The following ARHGAP29 variants were observed in gnomAD, a reference collection of about 807,000 sequenced individuals.
ARHGAP29 encodes the protein Rho GTPase activating protein 29.
Under a neutral mutation model 122.6 loss-of-function variants are expected in ARHGAP29, and 43 were observed. The observed-to-expected ratio is 0.35, with a 90% CI of 0.27 to 0.45. The LOEUF is 0.45. ARHGAP29 is among the 20% of genes least tolerant of loss of function. ARHGAP29 has a pLI of 1.00. For missense variants in ARHGAP29, 1,303 were observed against 1,477.2 expected (o/e 0.88, Z 1.93); for synonymous variants, 506 against 497.1 (o/e 1.02, Z -0.24).
At chr1:94,211,984 C>G (rs1465607356) in intron 3 of ARHGAP29, among the ~76,000 whole-genome samples, 1 of 152,060 alleles carries the variant, frequency 6.6e-6, no homozygotes, top group Non-Finnish European at 1.5e-5. Flanking sequence ...TTAAATAACC[C>G]AGGTGTCAAA....
the ARHGAP29 span, among the ~76,000 whole-genome samples, chr1:94,286,200 G>C: frequency 2.0e-5 from 3 of 152,160 alleles, no homozygotes; most frequent in African/African-American, 7.2e-5. Flanking sequence ...GGCAGAGAAA[G>C]ATTTCTTCCT....
At chr1:94,269,620 AC>A (rs1654915080) in intron 1 of ARHGAP29, among the ~76,000 whole-genome samples, 1 of 152,192 alleles carries the variant, frequency 6.6e-6, no homozygotes, top group African/African-American at 2.4e-5. Context: ...AAGACAGTTT[AC>A]AGAATAAGAA....
Position 94,173,249 on chromosome 1 carries a change from T to C in ARHGAP29, c.*620A>G, listed in dbSNP as rs1648860166. 6.6e-6 allele frequency: 1 copy of C among 152,620 alleles called. No homozygotes were observed. Among genetic ancestry groups the C allele is most frequent in the Non-Finnish European group, 1.5e-5 (1 of 68,036 alleles). The allele number at this position is 152,620 out of a possible 1,614,324, so 9.5% of individuals were successfully genotyped here. On this transcript the variant is annotated 3_prime_UTR_variant, in exon 23 of 23. Transcript: ENST00000260526. Reference sequence around the variant, plus strand: ...ACAACTGACTATCACATGTAAAAACTGGCAATTAATTAAAATGCAATTAAA... The same window carrying C: ...ACAACTGACTATCACATGTAAAAACCGGCAATTAATTAAAATGCAATTAAA...
the ARHGAP29 span, among the ~76,000 whole-genome samples, chr1:94,289,344 C>T: frequency 6.6e-6 from 1 of 152,126 alleles, no homozygotes. Context: ...GATTTTGTAT[C>T]CTGAGACTTT....
chr1:94,292,301 A>C, the ARHGAP29 span, among the ~76,000 whole-genome samples: 1 of 152,182 alleles, frequency 6.6e-6, no homozygotes, highest in African/African-American at 2.4e-5. Context: ...TTTCAGCTCC[A>C]TCACGTCATT....
At chr1:94,175,483 C>T (rs1218048789) in intron 22 of ARHGAP29, among the ~76,000 whole-genome samples, 1 of 152,200 alleles carries the variant, frequency 6.6e-6, no homozygotes, top group Non-Finnish European at 1.5e-5. Flanking sequence ...CATCCACCAA[C>T]TCTGTGCCTT....
intron 3 of ARHGAP29, among the ~76,000 whole-genome samples, chr1:94,216,818 T>C (rs1651979490): frequency 6.6e-6 from 1 of 152,218 alleles, no homozygotes; most frequent in African/African-American, 2.4e-5. Context: ...GTTCTGAAGA[T>C]ACCTTTATCT....
intron 5 of ARHGAP29, among the ~76,000 whole-genome samples, chr1:94,208,086 C>A (rs1365346826): frequency 6.6e-6 from 1 of 152,064 alleles, no homozygotes. Context: ...GATCCTCCCA[C>A]CATGACCTCT....
Position 94,205,170 on chromosome 1 carries a change from G to C in ARHGAP29, c.588C>G (p.Asn196Lys). 1 of 1,599,424 alleles carries C rather than the reference G, an allele frequency of 6.3e-7. No homozygotes were observed. The change falls in exon 7 of 23, where the codon AAC becomes AAG. Residue 196 changes from asparagine to lysine, a missense_variant. Transcript: ENST00000260526. ...TAGAGTCAGTGTTCTTTAACAGCAC[G>C]TTGTCTAGTTCTAAAGGGGAAAAAT... ...KGNFSPLELD[N>K]VLLKNTDSIE...
intron 2 of ARHGAP29, among the ~76,000 whole-genome samples, chr1:94,223,695 T>C (rs865826979): frequency 1.3e-5 from 2 of 152,200 alleles, no homozygotes; most frequent in South Asian, 4.1e-4. Context: ...ACTAGTAGAA[T>C]AGGTTAATGA....
chr1:94,285,780 C>A, the ARHGAP29 span, among the ~76,000 whole-genome samples: 1 of 146,934 alleles, frequency 6.8e-6, no homozygotes, highest in Non-Finnish European at 1.5e-5. Context: ...GAGGCTAAGG[C>A]AGGAGAATCA....
At chr1:94,178,249 T>C in intron 20 of ARHGAP29, 82 bp from the exon 21 acceptor site, 1 of 1,372,548 alleles carries the variant, frequency 7.3e-7, no homozygotes, top group Non-Finnish European at 9.9e-7. Flanking sequence ...ATAGAGAGGG[T>C]GGAGGGAAAA....
intron 11 of ARHGAP29, 163 bp from the exon 12 acceptor site, chr1:94,202,020 T>C (rs2101503830): frequency 1.5e-6 from 1 of 646,602 alleles, no homozygotes; most frequent in Admixed American, 3.2e-5. Context: ...TCAAAGGCAG[T>C]TGATTTTAAT....
At chr1:94,217,600 G>T (rs1652027092) in intron 3 of ARHGAP29, among the ~76,000 whole-genome samples, 2 of 151,900 alleles carry the variant, frequency 1.3e-5, no homozygotes, top group African/African-American at 2.4e-5. Flanking sequence ...GCATTTTAGA[G>T]GCCAAGGTGG....
intron 1 of ARHGAP29, among the ~76,000 whole-genome samples, chr1:94,237,082 G>A (rs751943013): frequency 6.6e-6 from 1 of 152,204 alleles, no homozygotes; most frequent in Non-Finnish European, 1.5e-5. Flanking sequence ...ATGTGCAAAG[G>A]CTTCAGAACA....
the ARHGAP29 span, among the ~76,000 whole-genome samples, chr1:94,313,838 A>T: frequency 6.6e-6 from 1 of 152,218 alleles, no homozygotes; most frequent in East Asian, 1.9e-4. Flanking sequence ...ACATGGATGA[A>T]GCTGGAAACC....
the ARHGAP29 span, among the ~76,000 whole-genome samples, chr1:94,289,373 C>T: frequency 1.3e-5 from 2 of 152,330 alleles, no homozygotes; most frequent in East Asian, 3.9e-4. Context: ...TGCTTATCAG[C>T]TTAAGGAGAT....
chr1:94,288,015 C>A, the ARHGAP29 span, among the ~76,000 whole-genome samples: 1 of 152,146 alleles, frequency 6.6e-6, no homozygotes, highest in African/African-American at 2.4e-5. Flanking sequence ...TGGGTATATA[C>A]CCAGTAATGG....
chr1:94,256,349 A>G (rs1654345707), intron 1 of ARHGAP29, among the ~76,000 whole-genome samples: 1 of 152,094 alleles, frequency 6.6e-6, no homozygotes, highest in African/African-American at 2.4e-5. Context: ...TATTACATGA[A>G]TAAACACTTT....
Sources: allele counts gnomAD v4.1 joint callset (sites outside exome capture counted in the v4.1 genomes callset), GRCh38; gene constraint gnomAD v4.1.1; transcripts MANE v1.5; gene names NCBI Gene and HGNC (gene_info 2026-07-23, HGNC 2026-07-21).